Variants in DMXL1 observed in about 807,000 individuals in gnomAD.
The protein encoded by DMXL1 is Dmx like 1.
DMXL1 carries 99 observed loss-of-function variants against 319.2 expected under a neutral mutation model. That is an observed-to-expected ratio of 0.31 (90% CI 0.26 to 0.37). The LOEUF (loss-of-function observed/expected upper bound fraction) is 0.37, where lower values mean the gene tolerates loss of function less well. Among genes scored for constraint, DMXL1 ranks in the 10% least tolerant of loss-of-function variants. The probability of loss-of-function intolerance (pLI) is 1.00; values close to 1 mark genes in which losing one functional copy is unlikely to be tolerated. For synonymous variants in DMXL1, 1,385 were observed against 1,235.2 expected (o/e 1.12, Z -2.54); for missense variants, 3,745 against 3,595.6 (o/e 1.04, Z -1.06).
chr5:119,246,478 G>C (rs917159881), intron 43 of DMXL1, among the ~76,000 whole-genome samples: 3 of 151,998 alleles, frequency 2.0e-5, no homozygotes, highest in Non-Finnish European at 4.4e-5. Context: ...TAAGTATTTT[G>C]TGTTAAAGCA....
At chr5:119,240,735 TAAACA>T (rs1788617466) in intron 42 of DMXL1, among the ~76,000 whole-genome samples, 1 of 152,216 alleles carries the variant, frequency 6.6e-6, no homozygotes, top group Non-Finnish European at 1.5e-5. Context: ...GTTATCGTTG[TAAACA>T]TGATGTAAAC....
intron 1 of DMXL1, among the ~76,000 whole-genome samples, chr5:119,078,738 C>A (rs1276949036): frequency 6.6e-6 from 1 of 152,194 alleles, no homozygotes; most frequent in African/African-American, 2.4e-5. Flanking sequence ...AGACATGACC[C>A]ACTGCACCCA....
intron 4 of DMXL1, among the ~76,000 whole-genome samples, chr5:119,107,778 C>G (rs1758678081): frequency 6.6e-6 from 1 of 152,072 alleles, no homozygotes; most frequent in African/African-American, 2.4e-5. Flanking sequence ...TGTTTCATTA[C>G]TTCTTGTGCT....
rs1331065294 is a variant in DMXL1, at chr5:119,193,209, C to A, written c.7315-619C>A. On this transcript the variant is annotated intron_variant, in intron 29 of 43. Coordinates refer to ENST00000539542, the MANE Select transcript of DMXL1 (RefSeq NM_001290321.3). Reference sequence around the variant, plus strand: ...GTGGCATTCCCTTACATTCCTTTACCATGGCCTACAAGACCCTGTCTGAGC... The same window carrying A: ...GTGGCATTCCCTTACATTCCTTTACAATGGCCTACAAGACCCTGTCTGAGC... 3.3e-5 allele frequency among the ~76,000 whole-genome samples: 5 copies of A among 152,110 alleles called. No individual in the cohort carries two copies. The East Asian group carries it at 9.6e-4, about 29-fold the overall frequency.
chr5:119,123,233 A>G (rs1201842087), intron 9 of DMXL1, among the ~76,000 whole-genome samples: 1 of 151,818 alleles, frequency 6.6e-6, no homozygotes, highest in East Asian at 1.9e-4. Flanking sequence ...GGGAGGCTGC[A>G]GTGAGCCGAG....
chr5:119,230,655 G>A (rs868223385), intron 38 of DMXL1, among the ~76,000 whole-genome samples: 14 of 152,240 alleles, frequency 9.2e-5, no homozygotes, highest in African/African-American at 3.4e-4. Flanking sequence ...GGCCAAGGCG[G>A]GCAGATCACA....
At chr5:119,081,573 G>A in intron 1 of DMXL1, 1 of 985,254 alleles carries the variant, frequency 1.0e-6, no homozygotes. Flanking sequence ...TGTTTTTATA[G>A]GAGGAATAAG....
chr5:119,157,414 A>G (rs1771341050), intron 19 of DMXL1, among the ~76,000 whole-genome samples: 1 of 152,154 alleles, frequency 6.6e-6, no homozygotes, highest in Non-Finnish European at 1.5e-5. Context: ...GATGACATGT[A>G]GTTTTCCCTC....
intron 38 of DMXL1, among the ~76,000 whole-genome samples, chr5:119,225,596 T>A (rs890388643): frequency 6.6e-6 from 1 of 152,166 alleles, no homozygotes; most frequent in African/African-American, 2.4e-5. Context: ...TGGGAGATAT[T>A]CTGATAAAAT....
chr5:119,159,973 C>T (rs938638461), intron 19 of DMXL1, among the ~76,000 whole-genome samples: 2 of 152,140 alleles, frequency 1.3e-5, no homozygotes, highest in Non-Finnish European at 2.9e-5. Flanking sequence ...TTTATCTTTC[C>T]AGAAAACTGG....
intron 34 of DMXL1, among the ~76,000 whole-genome samples, chr5:119,211,261 A>G (rs944828646): frequency 6.6e-6 from 1 of 152,150 alleles, no homozygotes; most frequent in Non-Finnish European, 1.5e-5. Context: ...GATTAGTGCT[A>G]GACTCTTAGA....
intron 1 of DMXL1, among the ~76,000 whole-genome samples, chr5:119,094,496 A>T (rs147533184): frequency 8.5e-5 from 13 of 152,342 alleles, no homozygotes. Flanking sequence ...CTGTGCTCTG[A>T]TCAGGCAGGT....
rs201010087 is a variant in DMXL1 at position 119,239,077 on chromosome 5, A to G, written c.8648A>G (p.Asn2883Ser). The G allele has an allele frequency of 8.4e-5, 135 of 1,613,516 alleles. No homozygotes were observed. The highest frequency in any genetic ancestry group is 1.1e-4 in the Non-Finnish European group (125 of 1,179,884). The change falls in exon 41 of 44, where the codon AAT becomes AGT. Residue 2883 changes from asparagine to serine, a missense_variant. Transcript: ENST00000539542. ...LIATAGLSTDNRNVCLWDTLV... is the reference protein window; with the variant it reads ...LIATAGLSTDSRNVCLWDTLV... ...GCTACAGCTGGTCTTTCAACTGACA[A>G]TAGGTAAGAGATGATAGCTAAAATT...
rs77042800 is a variant in DMXL1 at position 119,144,524 on chromosome 5, A to G, written c.2467-12A>G. On this transcript the variant is annotated splice_polypyrimidine_tract_variant and intron_variant, in intron 14 of 43. Transcript: ENST00000539542. ...CATAGGTCAACTTACGTTGATATTT[A>G]TTTATATTCAGCATGGCAGAAAAAC... 5.2e-3 allele frequency: 8,098 copies of G among 1,569,862 alleles called. 121 individuals are homozygous for G. The highest frequency in any genetic ancestry group is 0.037 in the African/African-American group (2,669 of 72,784).
chr5:119,137,366 C>T (rs1156930412), intron 13 of DMXL1, among the ~76,000 whole-genome samples: 1 of 152,170 alleles, frequency 6.6e-6, no homozygotes, highest in African/African-American at 2.4e-5. Context: ...AGGGAGTTCC[C>T]TTGTCTCAGA....
intron 18 of DMXL1, 140 bp from the exon 19 acceptor site, chr5:119,151,789 G>A (rs983410944): frequency 2.9e-5 from 14 of 476,960 alleles, no homozygotes; most frequent in Non-Finnish European, 4.4e-5. Context: ...AAATTCTGTA[G>A]AAAAAGATAA....
At chr5:119,168,602 G>A (rs114568010) in intron 23 of DMXL1, among the ~76,000 whole-genome samples, 195 of 152,178 alleles carry the variant, frequency 1.3e-3, no homozygotes, top group Admixed American at 2.5e-3. Flanking sequence ...AAAGCTGTGT[G>A]ACTCATTTGT....
In DMXL1 at chr5:119,150,297, T is replaced by A. The variant is rs1769481604; in HGVS notation, c.4470T>A (p.Ser1490=). The A allele has an allele frequency of 6.2e-7, 1 of 1,613,788 alleles. No homozygotes were observed. The highest frequency in any genetic ancestry group is 1.3e-5 in the African/African-American group (1 of 74,890). Residue 1490 remains serine (S), a synonymous_variant, in exon 18 of 44, where the codon TCT becomes TCA. Coordinates refer to ENST00000539542, the MANE Select transcript of DMXL1 (RefSeq NM_001290321.3). ...GACCTGAGCATGCTCAGGTTCTTTC[T>A]GGCCACTTACTTCATTCTAGTTTAC... ...YFGPEHAQVL[S]GHLLHSSLPG... is the part of the protein sequence containing the mutation.
chr5:119,177,832 G>T (rs1195519067), intron 27 of DMXL1, among the ~76,000 whole-genome samples, 164 bp from the exon 28 acceptor site: 1 of 151,984 alleles, frequency 6.6e-6, no homozygotes, highest in Non-Finnish European at 1.5e-5. Context: ...TAACTCATTT[G>T]TGCTTAACTA....
Sources: allele counts gnomAD v4.1 joint callset (sites outside exome capture counted in the v4.1 genomes callset), GRCh38; gene constraint gnomAD v4.1.1; transcripts MANE v1.5; gene names NCBI Gene and HGNC (gene_info 2026-07-23, HGNC 2026-07-21).